The following TSPAN9 variants were observed in gnomAD, a reference collection of about 807,000 sequenced individuals.
The protein encoded by TSPAN9 is tetraspanin 9.
A neutral mutation model predicts 31.0 loss-of-function variants in TSPAN9; 16 were observed. The observed-to-expected ratio is 0.52, with a 90% CI of 0.35 to 0.78. The LOEUF (loss-of-function observed/expected upper bound fraction) is 0.78. Ranked by LOEUF, TSPAN9 falls within the 30% of genes least tolerant of loss-of-function variation. The pLI is 0.01. For synonymous variants in TSPAN9, 145 were observed against 121.6 expected (o/e 1.19, Z -1.27); for missense variants, 272 against 312.5 (o/e 0.87, Z 0.98).
chr12:3,281,329 G>A lies in TSPAN9; in HGVS notation c.564G>A (p.Thr188=), dbSNP rs371384336. 13 of 1,549,282 alleles carry A rather than the reference G, an allele frequency of 8.4e-6. No homozygotes were observed. The highest frequency in any genetic ancestry group is 4.9e-5 in the East Asian group (2 of 40,850). Residue 188 remains threonine, a splice_region_variant and synonymous_variant, in exon 7 of 9, where the codon ACG becomes ACA. Coordinates refer to ENST00000011898, the MANE Select transcript of TSPAN9 (RefSeq NM_006675.5). ...GRNATTPLWR[T]GCYEKVKMWF... Reference sequence around the variant, plus strand: ...ACGCCACCACGCCTTTGTGGAGAACGGTGAGGCTGGGGATGGACCGCTTGG... The same window carrying A: ...ACGCCACCACGCCTTTGTGGAGAACAGTGAGGCTGGGGATGGACCGCTTGG...
intron 2 of TSPAN9, among the ~76,000 whole-genome samples, chr12:3,145,373 T>G (rs544199296): frequency 2.6e-5 from 4 of 152,132 alleles, no homozygotes; most frequent in Non-Finnish European, 5.9e-5. Context: ...GTGAACTTGT[T>G]TTGACGTGCC....
intron 3 of TSPAN9, among the ~76,000 whole-genome samples, chr12:3,247,079 C>T (rs764353504): frequency 6.6e-6 from 1 of 152,118 alleles, no homozygotes; most frequent in Non-Finnish European, 1.5e-5. Flanking sequence ...GTACTGTGCA[C>T]ACATGGAAGG....
chr12:3,201,053 G>C (rs1429250392), intron 2 of TSPAN9, 124 bp from the exon 3 acceptor site: 15 of 867,768 alleles, frequency 1.7e-5, no homozygotes, highest in Non-Finnish European at 7.2e-6. Flanking sequence ...CGCCTTCTAC[G>C]GCACCGCGGG....
intron 3 of TSPAN9, among the ~76,000 whole-genome samples, chr12:3,202,061 G>A (rs1297083796): frequency 6.6e-6 from 1 of 152,240 alleles, no homozygotes; most frequent in African/African-American, 2.4e-5. Context: ...GGTATGAATG[G>A]GTAGGGCAGC....
intron 3 of TSPAN9, among the ~76,000 whole-genome samples, chr12:3,262,970 G>A (rs558043304): frequency 3.3e-5 from 5 of 152,146 alleles, no homozygotes; most frequent in African/African-American, 7.2e-5. Flanking sequence ...CCATGATGTC[G>A]TCTCACAAGG....
At chr12:3,258,699 C>T (rs778641127) in intron 3 of TSPAN9, among the ~76,000 whole-genome samples, 15 of 152,204 alleles carry the variant, frequency 9.9e-5, no homozygotes, top group Non-Finnish European at 1.5e-4. Flanking sequence ...TTGACCCACT[C>T]CCCTGCCCTC....
chr12:3,118,255 C>G (rs986514457), intron 2 of TSPAN9, among the ~76,000 whole-genome samples: 1 of 20,106 alleles, frequency 5.0e-5, no homozygotes. Context: ...CTGCACCCGC[C>G]GTTTTTTTTT....
At chr12:3,097,857 A>C (rs2098309901) in intron 2 of TSPAN9, among the ~76,000 whole-genome samples, 1 of 152,190 alleles carries the variant, frequency 6.6e-6, no homozygotes, top group Non-Finnish European at 1.5e-5. Flanking sequence ...GGGAGTCTTC[A>C]TCTCTTTCTC....
At chr12:3,203,595 G>T (rs2098373251) in intron 3 of TSPAN9, among the ~76,000 whole-genome samples, 1 of 152,192 alleles carries the variant, frequency 6.6e-6, no homozygotes, top group Non-Finnish European at 1.5e-5. Flanking sequence ...ACCAGGCAAG[G>T]AGTTGTTCTC....
intron 2 of TSPAN9, among the ~76,000 whole-genome samples, chr12:3,139,805 C>G (rs1327914379): frequency 6.6e-6 from 1 of 152,192 alleles, no homozygotes. Context: ...CCCTCGGCCT[C>G]CCCTAGTGTT....
intron 2 of TSPAN9, chr12:3,200,501 T>A (rs2098370859): frequency 6.6e-6 from 1 of 152,338 alleles, no homozygotes; most frequent in Admixed American, 6.5e-5. Context: ...GCGCTGGGGC[T>A]GGGCTGGGCT....
chr12:3,278,591 A>G lies in TSPAN9; in HGVS notation c.234A>G (p.Glu78=), dbSNP rs749800736. ...TCGGCTGCCTGGGGGCCATCAAGGA[A>G]AACAAGTGCCTCCTCCTCAGCGTAA... is the stretch of plus-strand genomic sequence containing the variant. ...GFLGCLGAIK[E]NKCLLLSFFI... The change falls in exon 4 of 9, where the codon GAA becomes GAG. Residue 78 remains glutamate (E), a synonymous_variant. Coordinates refer to ENST00000011898, the MANE Select transcript of TSPAN9 (RefSeq NM_006675.5). 74 of 1,613,974 alleles carry G rather than the reference A, an allele frequency of 4.6e-5. No individual in the cohort carries two copies. Among genetic ancestry groups the G allele is most frequent in the Admixed American group, 6.7e-5 (4 of 59,996 alleles).
intron 2 of TSPAN9, among the ~76,000 whole-genome samples, chr12:3,186,550 G>T (rs748739250): frequency 4.4e-4 from 20 of 45,908 alleles, no homozygotes; most frequent in Admixed American, 3.3e-3. Context: ...GTTTGTTTGT[G>T]TGTGTGTGTG....
At chr12:3,266,421 G>A (rs1862538294) in intron 3 of TSPAN9, among the ~76,000 whole-genome samples, 2 of 152,228 alleles carry the variant, frequency 1.3e-5, no homozygotes, top group Admixed American at 1.3e-4. Context: ...CTCGTCCACA[G>A]CCACAGAACA....
At chr12:3,242,498 T>C (rs1398876735) in intron 3 of TSPAN9, among the ~76,000 whole-genome samples, 1 of 152,254 alleles carries the variant, frequency 6.6e-6, no homozygotes, top group African/African-American at 2.4e-5. Flanking sequence ...CAGTGAGTTC[T>C]GAACAGAGCC....
intron 3 of TSPAN9, among the ~76,000 whole-genome samples, chr12:3,217,814 C>T (rs758350027): frequency 3.1e-4 from 47 of 151,946 alleles, no homozygotes; most frequent in African/African-American, 6.8e-4. Flanking sequence ...GAAGACAGCA[C>T]GTGCTCTAGG....
chr12:3,194,217 A>G (rs916808331), intron 2 of TSPAN9, among the ~76,000 whole-genome samples: 3 of 152,106 alleles, frequency 2.0e-5, no homozygotes, highest in Admixed American at 2.0e-4. Flanking sequence ...CTGCTTTCTT[A>G]TAGAAGCTCA....
At chr12:3,277,214 C>T (rs372764210) in intron 3 of TSPAN9, among the ~76,000 whole-genome samples, 1 of 152,226 alleles carries the variant, frequency 6.6e-6, no homozygotes, top group Admixed American at 6.5e-5. Flanking sequence ...TAAGCTGGAG[C>T]CGGGAGTCCT....
At chr12:3,268,940 C>G (rs1396517122) in intron 3 of TSPAN9, among the ~76,000 whole-genome samples, 1 of 117,508 alleles carries the variant, frequency 8.5e-6, no homozygotes, top group Non-Finnish European at 1.7e-5. Flanking sequence ...AGCCTGCCCT[C>G]TCTGTGTTCC....
Sources: gnomAD v4.1 joint callset for allele counts (sites outside exome capture counted in the v4.1 genomes callset) on GRCh38, gnomAD v4.1.1 for gene constraint, MANE v1.5 for transcripts, NCBI Gene and HGNC (gene_info 2026-07-23, HGNC 2026-07-21) for gene names.